ERH: variants seen among roughly 807,000 people sequenced by gnomAD.
The protein encoded by ERH is enhancer of rudimentary homolog.
ERH carries 1 observed loss-of-function variant against 16.8 expected under a neutral mutation model. That is an observed-to-expected ratio of 0.06 (90% CI 0.02 to 0.28). ERH has a LOEUF of 0.28. Ranked by LOEUF, ERH falls within the 10% of genes least tolerant of loss-of-function variation. The pLI is 1.00. For missense variants in ERH, 42 were observed against 127.5 expected, an observed-to-expected ratio of 0.33 and a Z score of 3.23; for synonymous variants, 43 against 43.6, an observed-to-expected ratio of 0.99 and a Z score of 0.05.
chr14:69,387,938 C>A (rs188448008), intron 2 of ERH, among the ~76,000 whole-genome samples: 1 of 151,998 alleles, frequency 6.6e-6, no homozygotes, highest in African/African-American at 2.4e-5. Flanking sequence ...CCCAGCTACT[C>A]GGGAGGCTGA....
At chr14:69,387,695 CA>C (rs57516317) in intron 2 of ERH, among the ~76,000 whole-genome samples, 170 of 113,324 alleles carry the variant, frequency 1.5e-3, no homozygotes, top group Middle Eastern at 5.4e-3. Context: ...AGCCACAGAG[CA>C]AAAAAAAAAA....
In ERH at chr14:69,398,222, C is replaced by G. The variant is rs763456712; in HGVS notation, c.3+9G>C. 2.5e-6 allele frequency: 4 copies of G among 1,614,090 alleles called. No individual in the cohort carries two copies. The highest frequency in any genetic ancestry group is 3.4e-6 in the Non-Finnish European group (4 of 1,180,016). On this transcript the variant is annotated intron_variant, in intron 1 of 3. Coordinates refer to ENST00000557016, the MANE Select transcript of ERH (RefSeq NM_004450.3). ...CTCGGACTCGGGTAGCCGCGGAGGCCTTTCTCACCATCGCGCCAAACTCTC... is the reference window on the plus strand; with the variant it reads ...CTCGGACTCGGGTAGCCGCGGAGGCGTTTCTCACCATCGCGCCAAACTCTC...
At chr14:69,380,686 G>T in intron 3 of ERH, 46 bp from the exon 4 acceptor site, 1 of 1,123,178 alleles carries the variant, frequency 8.9e-7, no homozygotes, top group African/African-American at 1.5e-5. Flanking sequence ...GTCAATCACT[G>T]CCAGGTGTTT....
At chr14:69,386,796 T>A in intron 3 of ERH, 167 bp downstream of exon 3, 1 of 554,358 alleles carries the variant, frequency 1.8e-6, no homozygotes, top group Non-Finnish European at 2.9e-6. Flanking sequence ...TTTGGCTTTA[T>A]GTTGCCAATC....
At chr14:69,381,434 T>TA (rs1594885544) in intron 3 of ERH, among the ~76,000 whole-genome samples, 2 of 152,220 alleles carry the variant, frequency 1.3e-5, no homozygotes, top group African/African-American at 4.8e-5. Context: ...AGGATTTGCT[T>TA]TTTAAAATAA....
intron 1 of ERH, among the ~76,000 whole-genome samples, chr14:69,397,095 A>G (rs1012493934): frequency 1.2e-4 from 19 of 152,240 alleles, no homozygotes; most frequent in Non-Finnish European, 2.1e-4. Flanking sequence ...CTAGTCTTAA[A>G]ATGAACACCG....
chr14:69,390,516 G>A (rs182745468), intron 2 of ERH, among the ~76,000 whole-genome samples: 4 of 152,314 alleles, frequency 2.6e-5, no homozygotes, highest in Non-Finnish European at 5.9e-5. Flanking sequence ...GTGAAAGAAT[G>A]AAGTTGGACA....
chr14:69,394,745 TAA>T (rs1360377534), intron 2 of ERH, 78 bp downstream of exon 2: 431 of 808,854 alleles, frequency 5.3e-4, no homozygotes, highest in South Asian at 1.1e-3. Flanking sequence ...GATGGACTAT[TAA>T]AAAAAAAAAA....
chr14:69,384,053 A>AT (rs1259590117), intron 3 of ERH, among the ~76,000 whole-genome samples: 2 of 152,160 alleles, frequency 1.3e-5, no homozygotes, highest in Non-Finnish European at 2.9e-5. Flanking sequence ...ACATACTTGT[A>AT]TATCATTAAC....
intron 3 of ERH, among the ~76,000 whole-genome samples, chr14:69,383,869 C>T (rs1168828919): frequency 1.3e-5 from 2 of 152,028 alleles, no homozygotes; most frequent in South Asian, 4.1e-4. Context: ...CTAATGCAGC[C>T]GGGCACAGTT....
chr14:69,381,891 T>C (rs1029406747), intron 3 of ERH, among the ~76,000 whole-genome samples: 2 of 152,248 alleles, frequency 1.3e-5, no homozygotes, highest in African/African-American at 4.8e-5. Flanking sequence ...GGTTTCACTA[T>C]GTTGGCCAGG....
Position 69,390,274 on chromosome 14 carries a change from A to C in ERH, c.92-3191T>G, listed in dbSNP as rs75007436. 1.6e-3 allele frequency among the ~76,000 whole-genome samples: 241 copies of C among 151,970 alleles called. 2 individuals are homozygous for C. The highest frequency in any genetic ancestry group is 5.6e-3 in the African/African-American group (232 of 41,214). ...CAGCCAAAATAATCTTGAAAAAGAA[A>C]AACACTGGAGGATTCAAACTTCCTG... On this transcript the variant is annotated intron_variant, in intron 2 of 3. Coordinates refer to ENST00000557016, the MANE Select transcript of ERH (RefSeq NM_004450.3).
At chr14:69,394,592 G>A (rs537130096) in intron 2 of ERH, among the ~76,000 whole-genome samples, 1 of 148,130 alleles carries the variant, frequency 6.8e-6, no homozygotes, top group Admixed American at 6.8e-5. Context: ...GCGAGACTCT[G>A]TCTCAAATAA....
chr14:69,395,590 G>GA (rs1326211595), intron 1 of ERH, among the ~76,000 whole-genome samples: 1 of 152,160 alleles, frequency 6.6e-6, no homozygotes, highest in Non-Finnish European at 1.5e-5. Flanking sequence ...CTGATGAAAG[G>GA]AAACAAAAGG....
Position 69,387,040 on chromosome 14 carries a change from G to A in ERH, c.135C>T (p.Pro45=). The A allele has an allele frequency of 6.2e-7, 1 of 1,613,580 alleles. No homozygotes were observed. The highest frequency in any genetic ancestry group is 8.5e-7 in the Non-Finnish European group (1 of 1,179,590). ...MYEEHLKRMN[P]NSPSITYDIS... ...TGTCATATGTGATAGAGGGACTGTT[G>A]GGATTCATTCTTTTCAGATGTTCTT... The change falls in exon 3 of 4, where the codon CCC becomes CCT. Residue 45 remains proline, a synonymous_variant. Coordinates refer to ENST00000557016, the MANE Select transcript of ERH (RefSeq NM_004450.3).
intron 2 of ERH, among the ~76,000 whole-genome samples, chr14:69,388,333 T>C (rs1322510571): frequency 3.3e-5 from 5 of 152,112 alleles, no homozygotes; most frequent in African/African-American, 4.8e-5. Flanking sequence ...GAGTATATTA[T>C]CTATTTAGTT....
At chr14:69,394,122 AACAG>A (rs1412451374) in intron 2 of ERH, among the ~76,000 whole-genome samples, 14 of 152,300 alleles carry the variant, frequency 9.2e-5, no homozygotes, top group African/African-American at 2.4e-4. Flanking sequence ...ACCTATTAAA[AACAG>A]ACAGACACAC....
At position 69,386,812 on chromosome 14, in the gene ERH, T is replaced by C. The variant is rs770096520; in HGVS notation, c.212+151A>G. Reference sequence around the variant, plus strand: ...TTGGCTTTATGTTGCCAATCTCTTATTTCTGTAAGAGAAATATTAATTACT... The same window carrying C: ...TTGGCTTTATGTTGCCAATCTCTTACTTCTGTAAGAGAAATATTAATTACT... On this transcript the variant is annotated intron_variant, in intron 3 of 3. Coordinates refer to ENST00000557016, the MANE Select transcript of ERH (RefSeq NM_004450.3). 3.4e-4 allele frequency: 215 copies of C among 629,832 alleles called. 1 individual carries two copies. Among genetic ancestry groups the C allele is most frequent in the Non-Finnish European group, 4.9e-4 (200 of 409,480 alleles). 39.0% of individuals were successfully genotyped at this position (629,832 alleles called of 1,614,324 possible). A position where few individuals can be genotyped will look rare whatever the true frequency, so the allele number is the denominator to read the frequency against.
chr14:69,397,452 G>GAAAAAA lies in ERH; in HGVS notation c.3+773_3+778dup, dbSNP rs201254745. ...CAATACCTAGAGGTCTCAAAAACAG[G>GAAAAAA]AAAAAAAAAAAAAAGGCAGAGCACA... On this transcript the variant is annotated intron_variant, in intron 1 of 3. Coordinates refer to ENST00000557016, the MANE Select transcript of ERH (RefSeq NM_004450.3). Among the ~76,000 whole-genome samples the GAAAAAA allele has an allele frequency of 2.0e-3, 254 of 127,408 alleles. 2 individuals are homozygous for GAAAAAA. Among genetic ancestry groups the GAAAAAA allele is most frequent in the African/African-American group, 7.4e-3 (247 of 33,512 alleles). The allele number at this position is 127,408 out of a possible 152,430, so 83.6% of individuals were successfully genotyped here.
Sources: allele counts gnomAD v4.1 joint callset (sites outside exome capture counted in the v4.1 genomes callset), GRCh38; gene constraint gnomAD v4.1.1; transcripts MANE v1.5; gene names NCBI Gene and HGNC (gene_info 2026-07-23, HGNC 2026-07-21).